The following BANP variants were observed in gnomAD, a reference collection of about 807,000 sequenced individuals.
The protein encoded by BANP is BTG3 associated nuclear protein.
In BANP, 11 loss-of-function variants were observed where a neutral mutation model predicts 68.1. That is an observed-to-expected ratio of 0.16 (90% CI 0.10 to 0.27). The LOEUF is 0.27. Ranked by LOEUF, BANP falls within the 10% of genes least tolerant of loss-of-function variation. BANP has a pLI of 1.00. For synonymous variants in BANP, 329 were observed against 303.2 expected (o/e 1.09, Z -0.88); for missense variants, 504 against 722.7 (o/e 0.70, Z 3.47).
At chr16:87,980,762 G>C in intron 2 of BANP, 1 of 423,740 alleles carries the variant, frequency 2.4e-6, no homozygotes, top group South Asian at 2.6e-5. Context: ...CAGCCCCGCA[G>C]AGCATGGAGT....
At chr16:87,994,189 C>T (rs181672711) in intron 4 of BANP, among the ~76,000 whole-genome samples, 19 of 152,324 alleles carry the variant, frequency 1.2e-4, no homozygotes, top group Non-Finnish European at 1.9e-4. Context: ...CTAGGAGCCC[C>T]GCATCCTGTG....
chr16:88,041,675 A>G lies in BANP; in HGVS notation c.1311+3664A>G, dbSNP rs189037412. ...CCTCGACCTCCTTTCCCTGTAGCCC[A>G]CGACACCCGCATCCTCTGGTTCTTT... On this transcript the variant is annotated intron_variant, in intron 11 of 13. Coordinates refer to ENST00000682872, the MANE Select transcript of BANP (RefSeq NM_001386991.1). 3.4e-3 allele frequency among the ~76,000 whole-genome samples: 345 copies of G among 100,228 alleles called. 2 individuals carry two copies. The highest frequency in any genetic ancestry group is 9.7e-3 in the African/African-American group (245 of 25,156). 65.8% of individuals were successfully genotyped at this position (100,228 alleles called of 152,430 possible). A position where few individuals can be genotyped will look rare whatever the true frequency, so the allele number is the denominator to read the frequency against.
intron 2 of BANP, among the ~76,000 whole-genome samples, chr16:87,979,563 G>A (rs1360896526): frequency 6.6e-6 from 1 of 152,164 alleles, no homozygotes; most frequent in Non-Finnish European, 1.5e-5. Context: ...CACAGCACCA[G>A]CAGAGCGGGG....
intron 4 of BANP, among the ~76,000 whole-genome samples, chr16:87,990,471 G>T (rs578224630): frequency 6.6e-6 from 1 of 152,258 alleles, no homozygotes; most frequent in South Asian, 2.1e-4. Context: ...GAGCATCTCT[G>T]TTCTGGCACG....
intron 4 of BANP, among the ~76,000 whole-genome samples, chr16:87,995,210 C>A (rs1317539980): frequency 6.6e-6 from 1 of 152,250 alleles, no homozygotes; most frequent in African/African-American, 2.4e-5. Context: ...TGTGCGGGGG[C>A]TCCCGGGACA....
At chr16:88,076,544 G>A in intron 13 of BANP, 46 bp from the exon 14 acceptor site, 2 of 1,564,950 alleles carry the variant, frequency 1.3e-6, no homozygotes, top group Non-Finnish European at 1.8e-6. Context: ...TGGCCATGCA[G>A]TGCTGGGTAT....
In BANP at chr16:88,014,106, C is replaced by T. The variant is rs181759759; in HGVS notation, c.656-4322C>T. Among the ~76,000 whole-genome samples, 24 of 152,292 alleles carry T rather than the reference C, an allele frequency of 1.6e-4. No individual in the cohort carries two copies. In the East Asian group the frequency reaches 4.2e-3, roughly 27 times the overall value. On this transcript the variant is annotated intron_variant, in intron 6 of 13. Coordinates refer to ENST00000682872, the MANE Select transcript of BANP (RefSeq NM_001386991.1). ...ACTCTGGTGGGGCAGAGTTTAGAGT[C>T]AGAGTCTCCTGCGGTGCTGAAAAAG...
At chr16:88,009,589 G>C (rs1197808263) in intron 6 of BANP, among the ~76,000 whole-genome samples, 2 of 152,224 alleles carry the variant, frequency 1.3e-5, no homozygotes, top group African/African-American at 4.8e-5. Context: ...AAGAAGGATG[G>C]TAACTCTCAG....
At chr16:88,025,297 A>C (rs1346858015) in intron 7 of BANP, among the ~76,000 whole-genome samples, 1 of 152,160 alleles carries the variant, frequency 6.6e-6, no homozygotes, top group Non-Finnish European at 1.5e-5. Context: ...TTTCCTAGTG[A>C]TTTTAATGGT....
chr16:88,034,447 A>G (rs955763890), intron 9 of BANP, among the ~76,000 whole-genome samples: 5 of 150,114 alleles, frequency 3.3e-5, no homozygotes, highest in Non-Finnish European at 7.4e-5. Context: ...TTGTCTGCCC[A>G]TATGTATAAA....
At chr16:88,012,546 A>G (rs1382966741) in intron 6 of BANP, among the ~76,000 whole-genome samples, 2 of 152,098 alleles carry the variant, frequency 1.3e-5, no homozygotes, top group Non-Finnish European at 2.9e-5. Context: ...TGATTTGTTC[A>G]CTATCCTGCT....
intron 6 of BANP, among the ~76,000 whole-genome samples, chr16:88,015,075 G>A (rs2074173277): frequency 7.7e-6 from 1 of 129,962 alleles, no homozygotes; most frequent in Non-Finnish European, 1.6e-5. Context: ...CCCTCTGCTC[G>A]TCTCCTCTGC....
chr16:88,001,246 G>A (rs1369661751), intron 4 of BANP, among the ~76,000 whole-genome samples: 2 of 131,092 alleles, frequency 1.5e-5, no homozygotes, highest in Admixed American at 8.0e-5. Context: ...ACGCACGTGC[G>A]CGGCTGGACT....
At position 88,050,232 on chromosome 16, in the gene BANP, C is replaced by T. The variant is rs375129665; in HGVS notation, c.1311+12221C>T. Among the ~76,000 whole-genome samples the T allele has an allele frequency of 8.5e-5, 13 of 152,344 alleles. No homozygotes were observed. In the East Asian group the frequency reaches 1.4e-3, roughly 16 times the overall value. ...AGTGCAGTGGTGTGATCTTGGCTTA[C>T]TGCAGCCTCTGCCTCCCGGGCTCAG... On this transcript the variant is annotated intron_variant, in intron 11 of 13. Transcript: ENST00000682872.
At chr16:87,953,055 G>A (rs554945662) in intron 1 of BANP, among the ~76,000 whole-genome samples, 3 of 152,174 alleles carry the variant, frequency 2.0e-5, no homozygotes, top group African/African-American at 7.2e-5. Flanking sequence ...TCAACATCTC[G>A]GGTGCTTCAT....
At chr16:88,041,516 T>G (rs2080786537) in intron 11 of BANP, among the ~76,000 whole-genome samples, 1 of 152,246 alleles carries the variant, frequency 6.6e-6, no homozygotes, top group Non-Finnish European at 1.5e-5. Flanking sequence ...TCGCCTGATT[T>G]GAAGCTATGT....
chr16:88,005,130 G>A (rs1000973700), intron 5 of BANP, among the ~76,000 whole-genome samples: 17 of 152,124 alleles, frequency 1.1e-4, no homozygotes, highest in African/African-American at 3.9e-4. Flanking sequence ...AGTTCTCCAG[G>A]GCCGCAGCTG....
intron 8 of BANP, among the ~76,000 whole-genome samples, chr16:88,028,508 G>C (rs1345919446): frequency 6.6e-6 from 1 of 152,136 alleles, no homozygotes; most frequent in Non-Finnish European, 1.5e-5. Flanking sequence ...TGCTGCCCAG[G>C]GGCTTGAGGA....
At chr16:87,952,106 C>T (rs1347299060) in intron 1 of BANP, 1 of 152,250 alleles carries the variant, frequency 6.6e-6, no homozygotes, top group African/African-American at 2.4e-5. Flanking sequence ...TCGGGGTGCC[C>T]CCTCCCCAGC....
Sources: gnomAD v4.1 joint callset for allele counts (sites outside exome capture counted in the v4.1 genomes callset) on GRCh38, gnomAD v4.1.1 for gene constraint, MANE v1.5 for transcripts, NCBI Gene and HGNC (gene_info 2026-07-23, HGNC 2026-07-21) for gene names.